CCDC33: variants seen among roughly 807,000 people sequenced by gnomAD.
The protein encoded by CCDC33 is coiled-coil domain-containing protein 33.
A neutral mutation model predicts 91.9 loss-of-function variants in CCDC33; 94 were observed. That is an observed-to-expected ratio of 1.02 (90% CI 0.87 to 1.21). CCDC33 has a LOEUF of 1.21. Among genes scored for constraint, CCDC33 ranks in the 50% most tolerant of loss-of-function variants. CCDC33 has a pLI of 0.00. For synonymous variants in CCDC33, 396 were observed against 374.5 expected (o/e 1.06, Z -0.66); for missense variants, 940 against 935.5 (o/e 1.00, Z -0.06).
chr15:74,267,670 G>A (rs2076203582), intron 4 of CCDC33, among the ~76,000 whole-genome samples: 3 of 151,484 alleles, frequency 2.0e-5, no homozygotes, highest in Admixed American at 2.0e-4. Flanking sequence ...AAGCCAGACT[G>A]TCGGGGGTCC....
intron 11 of CCDC33, among the ~76,000 whole-genome samples, chr15:74,308,566 G>C (rs1433182522): frequency 6.6e-6 from 1 of 152,100 alleles, no homozygotes. Flanking sequence ...CGAGTGGCTT[G>C]AGCATGTGGG....
At chr15:74,284,027 C>G (rs2059425653) in intron 10 of CCDC33, among the ~76,000 whole-genome samples, 1 of 152,202 alleles carries the variant, frequency 6.6e-6, no homozygotes, top group South Asian at 2.1e-4. Context: ...GGAACTATTT[C>G]TTGGTAAACT....
chr15:74,283,456 C>T (rs935281226), intron 10 of CCDC33, among the ~76,000 whole-genome samples: 1 of 152,242 alleles, frequency 6.6e-6, no homozygotes, highest in South Asian at 2.1e-4. Flanking sequence ...ACAGTTTCCC[C>T]ATTGCCCAGG....
intron 10 of CCDC33, among the ~76,000 whole-genome samples, chr15:74,294,500 C>A (rs932441721): frequency 4.0e-5 from 6 of 151,758 alleles, no homozygotes; most frequent in Non-Finnish European, 8.8e-5. Flanking sequence ...GTAATCCCAG[C>A]ACTTTGGGAG....
At chr15:74,315,579 G>A (rs529367689) in intron 11 of CCDC33, among the ~76,000 whole-genome samples, 1 of 152,356 alleles carries the variant, frequency 6.6e-6, no homozygotes, top group Non-Finnish European at 1.5e-5. Context: ...CCTATGGTGA[G>A]CTCTTGTTAC....
intron 11 of CCDC33, among the ~76,000 whole-genome samples, chr15:74,312,702 A>G (rs1330994083): frequency 6.6e-6 from 1 of 152,062 alleles, no homozygotes; most frequent in Non-Finnish European, 1.5e-5. Context: ...AACCCTCCTC[A>G]TACATATAGG....
At chr15:74,225,094 C>T (rs760751306) in intron 2 of CCDC33, among the ~76,000 whole-genome samples, 7 of 151,378 alleles carry the variant, frequency 4.6e-5, no homozygotes, top group South Asian at 2.1e-4. Context: ...CAGGGGCTGA[C>T]GCTGACTCAC....
At chr15:74,214,226 G>A (rs554959836), upstream of CCDC33, among the ~76,000 whole-genome samples, 15 of 152,102 alleles carry the variant, frequency 9.9e-5, no homozygotes, top group Non-Finnish European at 1.9e-4. Context: ...TCCAAACAAA[G>A]CCAGCGGCCT....
chr15:74,209,461 G>T (rs755758636), exon 2 of CCDC33: 48 of 1,534,948 alleles, frequency 3.1e-5, no homozygotes, highest in Non-Finnish European at 3.9e-5. Context: ...GCATCCTGCT[G>T]CTGCCCAGCT....
intron 10 of CCDC33, among the ~76,000 whole-genome samples, chr15:74,285,506 C>T (rs1440866220): frequency 1.3e-5 from 2 of 152,102 alleles, no homozygotes; most frequent in Non-Finnish European, 2.9e-5. Flanking sequence ...ATGGCCACCC[C>T]ACATGATCTC....
At chr15:74,326,956 T>A (rs1417826308) in intron 11 of CCDC33, among the ~76,000 whole-genome samples, 2 of 152,132 alleles carry the variant, frequency 1.3e-5, no homozygotes, top group Non-Finnish European at 2.9e-5. Context: ...TCAGGGCTGC[T>A]CATCTGCAGG....
intron 11 of CCDC33, among the ~76,000 whole-genome samples, chr15:74,296,408 C>T (rs1319274443): frequency 2.6e-5 from 4 of 152,150 alleles, no homozygotes; most frequent in South Asian, 2.1e-4. Context: ...GCGGGTCACC[C>T]GAGGTCGGGA....
chr15:74,217,778 G>A (rs1384078190), intron 1 of CCDC33, among the ~76,000 whole-genome samples: 2 of 152,070 alleles, frequency 1.3e-5, no homozygotes, highest in Non-Finnish European at 2.9e-5. Context: ...GTGTGGCATG[G>A]GGACACTGGT....
Position 74,217,311 on chromosome 15 carries a change from CT to C in CCDC33, c.41del (p.Leu14ArgfsTer2). 1 of 1,288,040 alleles carries C rather than the reference CT, an allele frequency of 7.8e-7. No homozygotes were observed. The allele number at this position is 1,288,040 out of a possible 1,614,324, so 79.8% of individuals were successfully genotyped here. On this transcript the variant is annotated frameshift_variant, in exon 1 of 3. Coordinates refer to the CCDC33 transcript ENST00000635913. LOFTEE classifies it high-confidence loss of function. ...GCCTGAACCCTGGGTCTCTGCATCC[CT>C]GCTGAGACAGAGGCTGAAGGCCGAG...
At chr15:74,208,779 C>G (rs2074320058) in intron 1 of CCDC33, 1 of 988,880 alleles carries the variant, frequency 1.0e-6, no homozygotes, top group Non-Finnish European at 1.2e-6. Context: ...ACCTGGCCTC[C>G]CAGACTTGGC....
chr15:74,258,557 G>C (rs1043266121), intron 2 of CCDC33, among the ~76,000 whole-genome samples: 1 of 152,194 alleles, frequency 6.6e-6, no homozygotes, highest in African/African-American at 2.4e-5. Context: ...TGGGTAACAA[G>C]AGTGGGTACA....
chr15:74,335,041 G>T lies in CCDC33; in HGVS notation c.2092G>T (p.Glu698Ter). 3 of 1,614,100 alleles carry T rather than the reference G, an allele frequency of 1.9e-6. No homozygotes were observed. The highest frequency in any genetic ancestry group is 2.5e-6 in the Non-Finnish European group (3 of 1,179,992). Residue 698 changes from glutamate (E) to a stop codon, truncating the protein, a stop_gained, in exon 18 of 19, where the codon GAA becomes TAA. Coordinates refer to ENST00000398814, the MANE Select transcript of CCDC33 (RefSeq NM_025055.5). LOFTEE classifies it low-confidence loss of function (END_TRUNC). ...TCTGGCCACACGGCTGCAGGAGCAA[G>T]AAAAAGGTTTCAGGCACCCCTCGAA... ...QDLATRLQEQEKGFRHPSNSI... is the reference protein window; with the variant it reads ...QDLATRLQEQ
At chr15:74,215,886 A>AAAG (rs1567207957), upstream of CCDC33, among the ~76,000 whole-genome samples, 363 of 113,902 alleles carry the variant, frequency 3.2e-3, 1 homozygote, top group African/African-American at 9.9e-3. Context: ...AAAAAAAAAA[A>AAAG]AAAGAAAGAA....
intron 11 of CCDC33, among the ~76,000 whole-genome samples, chr15:74,298,520 A>T (rs1415220810): frequency 4.0e-5 from 6 of 151,870 alleles, no homozygotes. Flanking sequence ...CATTAGGAGG[A>T]AGTGTTTTTT....
Sources: allele counts gnomAD v4.1 joint callset (sites outside exome capture counted in the v4.1 genomes callset), GRCh38; gene constraint gnomAD v4.1.1; transcripts MANE v1.5; gene names NCBI Gene and HGNC (gene_info 2026-07-23, HGNC 2026-07-21).